Variants in GRIK2 observed in about 807,000 individuals in gnomAD.
GRIK2 encodes glutamate ionotropic receptor kainate type subunit 2.
In GRIK2, 32 loss-of-function variants were observed where a neutral mutation model predicts 100.3. The ratio of observed to expected loss-of-function variants is 0.32; its 90% CI spans 0.24 to 0.43. The LOEUF (loss-of-function observed/expected upper bound fraction) is 0.43, where lower values mean the gene tolerates loss of function less well. GRIK2 is among the 20% of genes least tolerant of loss of function. GRIK2 has a pLI of 1.00. For synonymous variants in GRIK2, 417 were observed against 389.4 expected, an observed-to-expected ratio of 1.07 and a Z score of -0.83; for missense variants, 843 against 1,114.9, an observed-to-expected ratio of 0.76 and a Z score of 3.47.
At chr6:101,441,293 GC>G (rs1301546243) in intron 2 of GRIK2, among the ~76,000 whole-genome samples, 1 of 152,004 alleles carries the variant, frequency 6.6e-6, no homozygotes, top group African/African-American at 2.4e-5. Flanking sequence ...GAGGGAATAG[GC>G]CCTACCAGAC....
At chr6:102,014,029 G>A (rs1795696502) in intron 14 of GRIK2, among the ~76,000 whole-genome samples, 1 of 152,070 alleles carries the variant, frequency 6.6e-6, no homozygotes, top group Non-Finnish European at 1.5e-5. Flanking sequence ...TGTACATCTA[G>A]TAGAATTTGG....
chr6:101,514,697 T>G (rs1158255420), intron 2 of GRIK2, among the ~76,000 whole-genome samples: 1 of 152,092 alleles, frequency 6.6e-6, no homozygotes, highest in East Asian at 1.9e-4. Context: ...ATCATAATGT[T>G]AAATTACCCC....
intron 5 of GRIK2, among the ~76,000 whole-genome samples, chr6:101,681,350 C>T (rs1377709143): frequency 2.0e-5 from 3 of 151,246 alleles, no homozygotes; most frequent in South Asian, 2.1e-4. Flanking sequence ...CTCAGCTTCT[C>T]GAGTAGTTGG....
At chr6:101,706,452 TTTATA>T (rs1159432580) in intron 7 of GRIK2, among the ~76,000 whole-genome samples, 20 of 151,892 alleles carry the variant, frequency 1.3e-4, no homozygotes, top group African/African-American at 2.7e-4. Context: ...TAAAATTTAT[TTTATA>T]TTATGAGTAT....
At chr6:101,586,291 T>A (rs1002897034) in intron 2 of GRIK2, among the ~76,000 whole-genome samples, 13 of 151,010 alleles carry the variant, frequency 8.6e-5, no homozygotes, top group Admixed American at 5.3e-4. Flanking sequence ...AGAGTATGAA[T>A]CGAAAAAAAA....
At chr6:101,595,411 T>C (rs9404120) in intron 2 of GRIK2, among the ~76,000 whole-genome samples, 26,518 of 151,532 alleles carry the variant, frequency 0.17, 2,839 homozygotes, top group African/African-American at 0.29. Flanking sequence ...AGTGTGGTTG[T>C]GTTTCAATAC....
chr6:101,718,833 G>A (rs1357300654), intron 7 of GRIK2, among the ~76,000 whole-genome samples: 2 of 151,888 alleles, frequency 1.3e-5, no homozygotes, highest in African/African-American at 4.8e-5. Flanking sequence ...AACCAAGCAA[G>A]GGTTTCAACC....
chr6:101,686,878 A>G (rs1771738864), intron 7 of GRIK2, among the ~76,000 whole-genome samples: 1 of 152,234 alleles, frequency 6.6e-6, no homozygotes, highest in South Asian at 2.1e-4. Context: ...GCACTATTGC[A>G]TAAACTATGA....
intron 4 of GRIK2, among the ~76,000 whole-genome samples, chr6:101,659,311 T>C (rs1209776019): frequency 1.3e-5 from 2 of 152,122 alleles, no homozygotes; most frequent in African/African-American, 4.8e-5. Context: ...TTTGTCCAGA[T>C]AGTTGCTTGC....
At chr6:101,975,809 G>GTCTATCTATCTATCTATCTA (rs71028093) in intron 14 of GRIK2, among the ~76,000 whole-genome samples, 5,990 of 147,464 alleles carry the variant, frequency 0.041, 164 homozygotes, top group East Asian at 0.12. Flanking sequence ...CTATCTATCT[G>GTCTATCTATCTATCTATCTA]TCTATCTATC....
At chr6:101,596,237 T>G (rs1778923772) in intron 2 of GRIK2, among the ~76,000 whole-genome samples, 1 of 151,114 alleles carries the variant, frequency 6.6e-6, no homozygotes, top group Admixed American at 6.6e-5. Flanking sequence ...TCCTTTTTTT[T>G]TTTTCCTCTC....
intron 14 of GRIK2, among the ~76,000 whole-genome samples, chr6:102,033,494 C>A (rs1770107173): frequency 6.6e-6 from 1 of 151,246 alleles, no homozygotes; most frequent in Non-Finnish European, 1.5e-5. Flanking sequence ...TAAAACATCC[C>A]TTCAATAAAT....
At chr6:101,399,501 C>A in intron 2 of GRIK2, 109 bp downstream of exon 2, 1 of 718,880 alleles carries the variant, frequency 1.4e-6, no homozygotes, top group Non-Finnish European at 2.6e-6. Flanking sequence ...CTGATCTGCT[C>A]ACTGCTCTGT....
intron 2 of GRIK2, among the ~76,000 whole-genome samples, chr6:101,592,117 C>CA (rs1348333838): frequency 6.6e-6 from 1 of 152,024 alleles, no homozygotes; most frequent in Non-Finnish European, 1.5e-5. Flanking sequence ...CTAATGCCCT[C>CA]ACTAGGAGCA....
At chr6:101,959,522 C>T (rs1402905604) in intron 14 of GRIK2, among the ~76,000 whole-genome samples, 2 of 151,980 alleles carry the variant, frequency 1.3e-5, no homozygotes, top group Non-Finnish European at 2.9e-5. Context: ...TTTATGATTT[C>T]AAAAAGCCAA....
intron 16 of GRIK2, among the ~76,000 whole-genome samples, chr6:102,057,666 A>G (rs1352101367): frequency 2.6e-5 from 4 of 151,902 alleles, no homozygotes; most frequent in Non-Finnish European, 1.5e-5. Context: ...CCACAAAGAA[A>G]TCCAAATTCC....
intron 2 of GRIK2, among the ~76,000 whole-genome samples, chr6:101,530,325 T>G (rs903663375): frequency 4.6e-5 from 7 of 152,080 alleles, no homozygotes; most frequent in Admixed American, 6.6e-5. Flanking sequence ...TTTTTCTGTT[T>G]GAGTCATTTA....
At chr6:101,460,106 C>T (rs1223345210) in intron 2 of GRIK2, among the ~76,000 whole-genome samples, 1 of 152,156 alleles carries the variant, frequency 6.6e-6, no homozygotes, top group Non-Finnish European at 1.5e-5. Flanking sequence ...CTCTGCTTCT[C>T]CTGTTACTCC....
intron 2 of GRIK2, among the ~76,000 whole-genome samples, chr6:101,485,516 T>C (rs1188926017): frequency 2.6e-5 from 4 of 152,176 alleles, no homozygotes; most frequent in African/African-American, 9.7e-5. Flanking sequence ...TGGGGAACTT[T>C]GTGATATTTA....
Sources: allele counts gnomAD v4.1 joint callset (sites outside exome capture counted in the v4.1 genomes callset), GRCh38; gene constraint gnomAD v4.1.1; transcripts MANE v1.5; gene names NCBI Gene and HGNC (gene_info 2026-07-23, HGNC 2026-07-21).